EML6: variants seen among roughly 807,000 people sequenced by gnomAD.
The protein encoded by EML6 is echinoderm microtubule-associated protein-like 6.
EML6 carries 154 observed loss-of-function variants against 240.1 expected under a neutral mutation model. The observed-to-expected ratio is 0.64, with a 90% CI of 0.56 to 0.73. The LOEUF (loss-of-function observed/expected upper bound fraction) is 0.73. Ranked by LOEUF, EML6 falls within the 30% of genes least tolerant of loss-of-function variation. The pLI, the probability that EML6 is intolerant of heterozygous loss-of-function variation, is 0.00. For synonymous variants in EML6, 1,148 were observed against 899.0 expected (o/e 1.28, Z -4.95); for missense variants, 2,964 against 2,474.6 (o/e 1.20, Z -4.20).
chr2:54,936,518 G>C, intron 28 of EML6, among the ~76,000 whole-genome samples: 1 of 152,154 alleles, frequency 6.6e-6, no homozygotes, highest in Middle Eastern at 3.2e-3. Context: ...ATAAGATACA[G>C]AATAAATGGA....
intron 41 of EML6, 69 bp downstream of exon 41, chr2:54,968,837 C>T (rs928005981): frequency 5.1e-5 from 43 of 845,718 alleles, no homozygotes; most frequent in East Asian, 2.7e-5. Flanking sequence ...TCTCAGGCAT[C>T]CCGTGGGTCA....
intron 36 of EML6, among the ~76,000 whole-genome samples, 164 bp downstream of exon 36, chr2:54,962,875 C>A (rs1233539829): frequency 6.6e-6 from 1 of 152,152 alleles, no homozygotes; most frequent in Non-Finnish European, 1.5e-5. Flanking sequence ...ACTCACCACA[C>A]CCCGTCTAAA....
intron 2 of EML6, among the ~76,000 whole-genome samples, chr2:54,742,501 A>G: frequency 6.6e-6 from 1 of 152,136 alleles, no homozygotes. Context: ...CCTCCTTGCC[A>G]CTGTAGCATT....
chr2:54,916,708 TAAAA>T (rs1485908939), intron 25 of EML6, 47 bp from the exon 26 acceptor site: 3 of 1,400,678 alleles, frequency 2.1e-6, no homozygotes, highest in South Asian at 1.6e-5. Flanking sequence ...TTCTTTTAAA[TAAAA>T]CAAACTAGGT....
intron 9 of EML6, 149 bp downstream of exon 9, chr2:54,847,772 A>G: frequency 1.1e-6 from 1 of 893,908 alleles, no homozygotes. Context: ...CCTATCTGTA[A>G]TTCTGAAGTC....
chr2:54,910,110 A>C (rs1673561502), intron 24 of EML6, among the ~76,000 whole-genome samples: 1 of 152,176 alleles, frequency 6.6e-6, no homozygotes, highest in Admixed American at 6.5e-5. Context: ...TCTAGGGTGG[A>C]GGTTCATGAA....
chr2:54,913,872 A>C (rs1281951007), intron 25 of EML6, among the ~76,000 whole-genome samples: 2 of 152,198 alleles, frequency 1.3e-5, no homozygotes, highest in Non-Finnish European at 2.9e-5. Flanking sequence ...GTTCTTCTGC[A>C]TACGGCTAGC....
chr2:54,847,018 C>T (rs1021758422), intron 8 of EML6, among the ~76,000 whole-genome samples: 1 of 150,432 alleles, frequency 6.6e-6, no homozygotes, highest in East Asian at 2.0e-4. Context: ...AGTGATCCTC[C>T]TGCCTGTGCC....
chr2:54,842,997 T>C (rs1343512328), intron 7 of EML6, among the ~76,000 whole-genome samples: 1 of 152,230 alleles, frequency 6.6e-6, no homozygotes, highest in Non-Finnish European at 1.5e-5. Context: ...GTAGGATATA[T>C]CTAGATTCTG....
At chr2:54,908,422 C>G (rs1034022656) in intron 24 of EML6, among the ~76,000 whole-genome samples, 2 of 151,976 alleles carry the variant, frequency 1.3e-5, no homozygotes, top group African/African-American at 4.8e-5. Flanking sequence ...ACCATGTTGC[C>G]CAGGCTGGAA....
At chr2:54,957,354 G>GAAA (rs11315862) in intron 32 of EML6, among the ~76,000 whole-genome samples, 10 of 106,470 alleles carry the variant, frequency 9.4e-5, no homozygotes, top group Admixed American at 3.7e-4. Context: ...AGAATCTTAG[G>GAAA]AAAAAAAAAA....
At chr2:54,854,382 C>G (rs574948226) in intron 11 of EML6, among the ~76,000 whole-genome samples, 1 of 151,842 alleles carries the variant, frequency 6.6e-6, no homozygotes, top group Non-Finnish European at 1.5e-5. Flanking sequence ...CCCTCTTTGC[C>G]CTCATGTTTT....
At chr2:54,838,344 T>C (rs955968223) in intron 7 of EML6, among the ~76,000 whole-genome samples, 1 of 152,194 alleles carries the variant, frequency 6.6e-6, no homozygotes, top group Non-Finnish European at 1.5e-5. Flanking sequence ...CACTGGGTCA[T>C]GTGTTGTTGT....
At chr2:54,910,207 A>G (rs1673568247) in intron 24 of EML6, among the ~76,000 whole-genome samples, 1 of 152,210 alleles carries the variant, frequency 6.6e-6, no homozygotes, top group African/African-American at 2.4e-5. Context: ...ACATGTTTGA[A>G]ACTTTCCATA....
chr2:54,724,867 G>A lies in EML6; in HGVS notation c.-195G>A. The A allele has an allele frequency of 4.1e-6, 1 of 244,166 alleles. No individual in the cohort carries two copies. The highest frequency in any genetic ancestry group is 7.0e-6 in the Non-Finnish European group (1 of 143,386). The allele number at this position is 244,166 out of a possible 1,614,324, so 15.1% of individuals were successfully genotyped here. A position where few individuals can be genotyped will look rare whatever the true frequency, so the allele number is the denominator to read the frequency against. The stretch of plus-strand genomic sequence containing the variant: ...CGGCGGGGTCTGGCGGCCGCACACC[G>A]GCGGCGGCGGCTTGTCTGCGGCGGC... On this transcript the variant is annotated 5_prime_UTR_variant, in exon 2 of 42. Transcript: ENST00000356458. This position sits in a 1 kb window ranked among gnomAD's most constrained non-coding sequence, Gnocchi z 5.2.
intron 2 of EML6, among the ~76,000 whole-genome samples, chr2:54,764,863 G>T (rs1171565864): frequency 6.6e-6 from 1 of 152,164 alleles, no homozygotes; most frequent in Non-Finnish European, 1.5e-5. Flanking sequence ...TTACAAAACT[G>T]CTTATGCCAA....
chr2:54,929,018 CAT>C (rs1674714279), intron 28 of EML6, among the ~76,000 whole-genome samples: 1 of 117,278 alleles, frequency 8.5e-6, no homozygotes, highest in Admixed American at 8.8e-5. Context: ...TACACTTCTC[CAT>C]GCCCAGAAAA....
chr2:54,928,642 G>A lies in EML6; in HGVS notation c.3895G>A (p.Ala1299Thr). 6.4e-7 allele frequency: 1 copy of A among 1,552,166 alleles called. No individual in the cohort carries two copies. Residue 1299 changes from alanine (A) to threonine (T), a missense_variant, in exon 28 of 42, where the codon GCT (alanine) becomes ACT (threonine). Physicochemically the swap from Ala to Thr is moderately conservative, Grantham distance 58. Transcript: ENST00000356458. ...EEDGGYDSDV[A>T]REKAIDYTTK... ...TGTTTGAGGCTATGACAGCGATGTT[G>A]CTAGAGAAAAGGCCATTGACTACAC...
At chr2:54,958,056 G>C in intron 33 of EML6, 58 bp downstream of exon 33, 1 of 1,444,414 alleles carries the variant, frequency 6.9e-7, no homozygotes, top group Non-Finnish European at 9.3e-7. Flanking sequence ...GCATGGGCAT[G>C]GGCATGGGCA....
Sources: allele counts gnomAD v4.1 joint callset (sites outside exome capture counted in the v4.1 genomes callset), GRCh38; gene constraint gnomAD v4.1.1; non-coding constraint Gnocchi (gnomAD v3.1); transcripts MANE v1.5; gene names NCBI Gene and HGNC (gene_info 2026-07-23, HGNC 2026-07-21).